ADGRD2: variants seen among roughly 807,000 people sequenced by gnomAD.
ADGRD2 encodes the protein G protein-coupled receptor PGR24.
A neutral mutation model predicts 44.4 loss-of-function variants in ADGRD2; 71 were observed. The observed-to-expected ratio is 1.60, with a 90% CI of 1.32 to 1.95. The LOEUF is 1.95. Among genes scored for constraint, ADGRD2 ranks in the 30% most tolerant of loss-of-function variants. ADGRD2 has a pLI of 0.00. For synonymous variants in ADGRD2, 481 were observed against 224.8 expected, an observed-to-expected ratio of 2.14 and a Z score of -10.19; for missense variants, 1,039 against 512.4, an observed-to-expected ratio of 2.03 and a Z score of -9.92.
At chr9:124,459,055 G>A (rs1002573508) in intron 10 of ADGRD2, among the ~76,000 whole-genome samples, 1 of 152,186 alleles carries the variant, frequency 6.6e-6, no homozygotes, top group African/African-American at 2.4e-5. Flanking sequence ...AAACCTGTTA[G>A]TTCCCATGGA....
At chr9:124,471,079 G>A (rs117245161) in intron 17 of ADGRD2, among the ~76,000 whole-genome samples, 3,886 of 152,274 alleles carry the variant, frequency 0.026, 84 homozygotes, top group Middle Eastern at 0.044. Context: ...GAAAGGGCCC[G>A]GGCTTCCCGG....
intron 8 of ADGRD2, among the ~76,000 whole-genome samples, chr9:124,457,892 G>A (rs570307109): frequency 6.6e-6 from 1 of 152,324 alleles, no homozygotes; most frequent in South Asian, 2.1e-4. Flanking sequence ...TTAGGGCAAG[G>A]GGCAAAGGGC....
At chr9:124,476,855 C>T (rs1342252226) in intron 21 of ADGRD2, 146 bp downstream of exon 24, 6 of 693,008 alleles carry the variant, frequency 8.7e-6, no homozygotes, top group Non-Finnish European at 1.3e-5. Flanking sequence ...CCACAGGTCC[C>T]CTGGGAGCAC....
At chr9:124,474,150 C>T (rs531365506) in intron 17 of ADGRD2, among the ~76,000 whole-genome samples, 3 of 152,172 alleles carry the variant, frequency 2.0e-5, no homozygotes, top group Admixed American at 2.0e-4. Flanking sequence ...TGGCACATGC[C>T]TGTAGTCCCA....
upstream of ADGRD2, chr9:124,450,994 G>A (rs1444440057): frequency 1.9e-5 from 9 of 464,394 alleles, no homozygotes; most frequent in Admixed American, 1.9e-4. Context: ...CCAGGGTTAG[G>A]GTATCCCCGC....
exon 6 of ADGRD2, chr9:124,455,126 A>C: frequency 2.9e-6 from 2 of 699,192 alleles, no homozygotes; most frequent in Non-Finnish European, 5.4e-6. Context: ...TCCCTCCGTG[A>C]AGTGAGGCTG....
At chr9:124,476,627 G>A in intron 20 of ADGRD2, 52 bp from the exon 24 acceptor site, 1 of 683,622 alleles carries the variant, frequency 1.5e-6, no homozygotes. Context: ...CCCAGGGCAA[G>A]GGGCAGCAGA....
At chr9:124,475,530 G>A in intron 18 of ADGRD2, 41 bp from the exon 22 acceptor site, 1 of 715,962 alleles carries the variant, frequency 1.4e-6, no homozygotes, top group Non-Finnish European at 2.6e-6. Flanking sequence ...GGTCCAAGGG[G>A]TAGGGAGGGT....
In ADGRD2 at chr9:124,475,503, C is replaced by T; in HGVS notation, c.2800+16C>T. On this transcript the variant is annotated intron_variant, in intron 18 of 21. Coordinates refer to ENST00000334810, the Ensembl canonical transcript of ADGRD2. Reference sequence around the variant, plus strand: ...CAATGAGGAGGTGAGTCTGGGGGTGCCGGCTGCAGGGAGAGGGGTCCAAGG... The same window carrying T: ...CAATGAGGAGGTGAGTCTGGGGGTGTCGGCTGCAGGGAGAGGGGTCCAAGG... 1.4e-6 allele frequency: 1 copy of T among 714,294 alleles called. No homozygotes were observed. The highest frequency in any genetic ancestry group is 2.6e-6 in the Non-Finnish European group (1 of 382,938). The allele number at this position is 714,294 out of a possible 1,614,324, so 44.2% of individuals were successfully genotyped here.
exon 9 of ADGRD2, chr9:124,458,193 C>A (rs746881494): frequency 5.6e-6 from 4 of 718,408 alleles, no homozygotes; most frequent in Non-Finnish European, 1.0e-5. Context: ...GGACCTAGAG[C>A]CCCAGGCCCC....
chr9:124,478,123 C>G (rs1196146749), intron 21 of ADGRD2, among the ~76,000 whole-genome samples, 158 bp from the exon 25 acceptor site: 1 of 152,198 alleles, frequency 6.6e-6, no homozygotes, highest in Non-Finnish European at 1.5e-5. Context: ...CCGCGGAGCC[C>G]TCAGGGCATG....
At chr9:124,461,434 T>C (rs1313736529) in intron 10 of ADGRD2, among the ~76,000 whole-genome samples, 4 of 152,258 alleles carry the variant, frequency 2.6e-5, no homozygotes, top group African/African-American at 9.6e-5. Context: ...AGGTGTATGA[T>C]GTATTTCAAC....
exon 17 of ADGRD2, chr9:124,470,563 G>T: frequency 1.4e-6 from 1 of 709,974 alleles, no homozygotes. Context: ...GCATCCTGGT[G>T]CACCTGAGCC....
At chr9:124,466,197 G>T in intron 10 of ADGRD2, 61 bp from the exon 14 acceptor site, 1 of 542,344 alleles carries the variant, frequency 1.8e-6, no homozygotes, top group South Asian at 2.8e-5. Context: ...CCCAGGCTCT[G>T]GGGAAAGCCT....
At chr9:124,469,254 G>T in exon 15 of ADGRD2, 1 of 716,788 alleles carries the variant, frequency 1.4e-6, no homozygotes. Flanking sequence ...GGTCACCCTG[G>T]CCATGCTCCC....
chr9:124,468,307 G>A, intron 13 of ADGRD2, 117 bp downstream of exon 16: 2 of 692,516 alleles, frequency 2.9e-6, no homozygotes, highest in Non-Finnish European at 5.3e-6. Flanking sequence ...TCCCTGGGGA[G>A]GAGCAGGGCC....
exon 3 of ADGRD2, chr9:124,453,210 C>A: frequency 1.6e-6 from 1 of 641,498 alleles, no homozygotes; most frequent in Non-Finnish European, 2.8e-6. Context: ...CGCTGCCCAA[C>A]GCGCTGCAGC....
upstream of ADGRD2, chr9:124,451,340 C>T (rs1224151860): frequency 4.2e-5 from 17 of 409,612 alleles, no homozygotes; most frequent in South Asian, 2.3e-4. Context: ...CTCTGGCCAG[C>T]GACTGCTGCT....
chr9:124,453,768 C>T, intron 3 of ADGRD2, 92 bp downstream of exon 6: 2 of 637,682 alleles, frequency 3.1e-6, no homozygotes, highest in South Asian at 1.8e-5. Flanking sequence ...AACCAAGCCA[C>T]GCCTAGCTCT....
Sources: allele counts gnomAD v4.1 joint callset (sites outside exome capture counted in the v4.1 genomes callset), GRCh38; gene constraint gnomAD v4.1.1; transcripts MANE v1.5; gene names NCBI Gene and HGNC (gene_info 2026-07-23, HGNC 2026-07-21).